Variants in TAOK3 observed in about 807,000 individuals in gnomAD.
TAOK3 encodes the protein TAO kinase 3, also known as serine/threonine-protein kinase TAO3.
Under a neutral mutation model 120.4 loss-of-function variants are expected in TAOK3, and 40 were observed. That is an observed-to-expected ratio of 0.33 (90% CI 0.26 to 0.43). The LOEUF (loss-of-function observed/expected upper bound fraction) is 0.43. Among genes scored for constraint, TAOK3 ranks in the 20% least tolerant of loss-of-function variants. The pLI, the probability that TAOK3 is intolerant of heterozygous loss-of-function variation, is 1.00. For synonymous variants in TAOK3, 355 were observed against 387.5 expected, an observed-to-expected ratio of 0.92 and a Z score of 0.99; for missense variants, 821 against 1,112.1, an observed-to-expected ratio of 0.74 and a Z score of 3.72.
At chr12:118,348,426 T>C (rs1433585343) in intron 1 of TAOK3, among the ~76,000 whole-genome samples, 1 of 152,188 alleles carries the variant, frequency 6.6e-6, no homozygotes, top group East Asian at 1.9e-4. Context: ...AGTCTAAGTC[T>C]GCTTCTGCCT....
At chr12:118,299,801 C>T (rs566086722) in intron 1 of TAOK3, among the ~76,000 whole-genome samples, 4 of 152,246 alleles carry the variant, frequency 2.6e-5, no homozygotes, top group East Asian at 1.9e-4. Flanking sequence ...TGAGCCACCA[C>T]GCCCAGCCAC....
intron 1 of TAOK3, among the ~76,000 whole-genome samples, chr12:118,270,670 T>C (rs970269019): frequency 1.7e-5 from 2 of 120,968 alleles, no homozygotes; most frequent in East Asian, 2.2e-4. Flanking sequence ...TAAATGTCAC[T>C]TTTTTTTTTT....
chr12:118,284,672 C>T (rs1296694718), intron 1 of TAOK3, among the ~76,000 whole-genome samples: 1 of 152,002 alleles, frequency 6.6e-6, no homozygotes, highest in East Asian at 1.9e-4. Context: ...GAAATGTTGG[C>T]GCAAGGTCGG....
intron 1 of TAOK3, among the ~76,000 whole-genome samples, chr12:118,291,276 C>A (rs2042467903): frequency 1.3e-5 from 2 of 151,828 alleles, no homozygotes; most frequent in South Asian, 4.2e-4. Context: ...CCTGCCTCAG[C>A]CTTCCGAGTA....
At chr12:118,203,758 G>T (rs1489483377) in intron 11 of TAOK3, among the ~76,000 whole-genome samples, 2 of 151,854 alleles carry the variant, frequency 1.3e-5, no homozygotes, top group Non-Finnish European at 2.9e-5. Context: ...GGAAAGGTAG[G>T]GTTACCACCT....
In TAOK3 at chr12:118,156,353, T is replaced by G. The variant is rs544254920; in HGVS notation, c.2352+3793A>C. Among the ~76,000 whole-genome samples the G allele has an allele frequency of 8.5e-5, 13 of 152,300 alleles. No individual in the cohort carries two copies. The East Asian group carries it at 2.5e-3, about 29-fold the overall frequency. On this transcript the variant is annotated intron_variant, in intron 19 of 20. Coordinates refer to ENST00000392533, the MANE Select transcript of TAOK3 (RefSeq NM_016281.4). ...TTGTCTTCTGAGATACCACAACTTC[T>G]TGGTTTTTGTCTTCCCTCTCTGACT... is the stretch of plus-strand genomic sequence containing the variant.
chr12:118,199,673 TG>T (rs1445625453), intron 12 of TAOK3: 1 of 185,056 alleles, frequency 5.4e-6, no homozygotes, highest in African/African-American at 2.3e-5. Flanking sequence ...AGTGGTCACT[TG>T]AAAAAGTAGA....
chr12:118,355,475 G>C (rs575022899), intron 1 of TAOK3, among the ~76,000 whole-genome samples: 23 of 152,270 alleles, frequency 1.5e-4, no homozygotes, highest in African/African-American at 4.3e-4. Flanking sequence ...TAATCATTTT[G>C]ATGAATAATT....
intron 13 of TAOK3, among the ~76,000 whole-genome samples, chr12:118,194,612 CT>C (rs58866768): frequency 0.023 from 2,254 of 98,166 alleles, 17 homozygotes; most frequent in African/African-American, 0.043. Context: ...AAGGACATTT[CT>C]TTTTTTTTTT....
intron 1 of TAOK3, chr12:118,358,785 T>C (rs2141285488): frequency 6.6e-6 from 1 of 152,342 alleles, no homozygotes; most frequent in Non-Finnish European, 1.5e-5. Context: ...TACTCTCAGC[T>C]GGACTTTGAG....
intron 20 of TAOK3, 150 bp from the exon 21 acceptor site, chr12:118,151,308 CACACACACACAGGA>C: frequency 1.6e-6 from 1 of 628,502 alleles, no homozygotes; most frequent in Non-Finnish European, 2.7e-6. Context: ...CACACACACA[CACACACACACAGGA>C]ACTACGGGAG....
At chr12:118,352,336 T>A (rs1593665548) in intron 1 of TAOK3, among the ~76,000 whole-genome samples, 1 of 151,746 alleles carries the variant, frequency 6.6e-6, no homozygotes, top group East Asian at 2.0e-4. Flanking sequence ...AAACCCTGTC[T>A]CTACTAAAAA....
chr12:118,229,485 C>T (rs76404177), intron 9 of TAOK3, among the ~76,000 whole-genome samples: 4,625 of 152,150 alleles, frequency 0.03, 199 homozygotes, highest in African/African-American at 0.095. Flanking sequence ...TTTCAACTAC[C>T]TTCTCCTAGT....
Position 118,334,782 on chromosome 12 carries a change from G to A in TAOK3, c.-194+37866C>T, listed in dbSNP as rs145990515. Among the ~76,000 whole-genome samples the A allele has an allele frequency of 4.1e-3, 623 of 151,720 alleles. 7 individuals carry two copies. Among genetic ancestry groups the A allele is most frequent in the African/African-American group, 0.013 (542 of 41,344 alleles). ...TCCCAGCTATTAGGGAGGCTGAGGC[G>A]GGAGAATCACTTGAACCCAGGAGGC... On this transcript the variant is annotated intron_variant, in intron 1 of 20. Transcript: ENST00000392533.
intron 1 of TAOK3, among the ~76,000 whole-genome samples, chr12:118,310,939 A>G (rs989550924): frequency 3.3e-5 from 5 of 152,192 alleles, no homozygotes; most frequent in African/African-American, 9.7e-5. Flanking sequence ...CACAAATAAT[A>G]GTTATTTTAA....
chr12:118,310,934 A>C (rs2043237478), intron 1 of TAOK3, among the ~76,000 whole-genome samples: 1 of 152,180 alleles, frequency 6.6e-6, no homozygotes, highest in Non-Finnish European at 1.5e-5. Context: ...TCCCCCACAA[A>C]TAATAGTTAT....
intron 1 of TAOK3, among the ~76,000 whole-genome samples, chr12:118,305,912 A>G (rs1485524616): frequency 6.6e-6 from 1 of 152,088 alleles, no homozygotes; most frequent in Non-Finnish European, 1.5e-5. Context: ...CTCAAAAAAA[A>G]AAAAAAAAAA....
At chr12:118,280,212 C>T (rs946533872) in intron 1 of TAOK3, among the ~76,000 whole-genome samples, 1 of 152,128 alleles carries the variant, frequency 6.6e-6, no homozygotes, top group African/African-American at 2.4e-5. Flanking sequence ...AGGCGTGCGC[C>T]ACTACGCCCA....
intron 3 of TAOK3, chr12:118,246,985 T>G (rs2040543541): frequency 1.0e-6 from 1 of 967,152 alleles, no homozygotes; most frequent in African/African-American, 1.6e-5. Context: ...ACAAGAAAAA[T>G]AAAGTGAATT....
Sources: gnomAD v4.1 joint callset for allele counts (sites outside exome capture counted in the v4.1 genomes callset) on GRCh38, gnomAD v4.1.1 for gene constraint, MANE v1.5 for transcripts, NCBI Gene and HGNC (gene_info 2026-07-23, HGNC 2026-07-21) for gene names.